The following GNA11 variants were observed in gnomAD, a reference collection of about 807,000 sequenced individuals.
GNA11 encodes G protein subunit alpha 11, also known as guanine nucleotide-binding protein subunit alpha-11.
Under a neutral mutation model 38.2 loss-of-function variants are expected in GNA11, and 8 were observed. The observed-to-expected ratio is 0.21, with a 90% confidence interval of 0.12 to 0.38. The LOEUF is 0.38. Among genes scored for constraint, GNA11 ranks in the 10% least tolerant of loss-of-function variants. The probability of loss-of-function intolerance (pLI) is 1.00; values close to 1 mark genes in which losing one functional copy is unlikely to be tolerated. For missense variants in GNA11, 268 were observed against 516.3 expected, an observed-to-expected ratio of 0.52 and a Z score of 4.66; for synonymous variants, 211 against 221.4, an observed-to-expected ratio of 0.95 and a Z score of 0.42.
intron 1 of GNA11, among the ~76,000 whole-genome samples, chr19:3,105,642 G>A (rs574361607): frequency 6.6e-5 from 10 of 152,236 alleles, no homozygotes; most frequent in African/African-American, 2.4e-4. Context: ...TTTAACATAG[G>A]AATTTGGGGG....
rs372851885 is a variant in GNA11 at position 3,113,299 on chromosome 19, C to T, written c.322-31C>T. The T allele has an allele frequency of 2.5e-6, 4 of 1,609,378 alleles. No homozygotes were observed. The African/African-American group carries it at 4.0e-5, about 16-fold the overall frequency. ...CTGGTGGATGTGTGGCCCCAGCGAGCTCTCGACGTCTCCCCTGCCCGCCCT... is the reference window on the plus strand; with the variant it reads ...CTGGTGGATGTGTGGCCCCAGCGAGTTCTCGACGTCTCCCCTGCCCGCCCT... On this transcript the variant is annotated intron_variant, in intron 2 of 6. Coordinates refer to ENST00000078429, the MANE Select transcript of GNA11 (RefSeq NM_002067.5).
In GNA11 at chr19:3,120,132, G is replaced by T. The variant is rs150297893; in HGVS notation, c.889+773G>T. On this transcript the variant is annotated intron_variant, in intron 6 of 6. Coordinates refer to ENST00000078429, the MANE Select transcript of GNA11 (RefSeq NM_002067.5). The surrounding 1 kb of genome is among the most constrained non-coding windows in gnomAD (Gnocchi z 5.9). The stretch of plus-strand genomic sequence containing the variant: ...GATCTGTGCTCCTCCCGTGAGTCTC[G>T]GGTGTCATCTTCGGGAGGGCCCCTC... 6.6e-6 allele frequency among the ~76,000 whole-genome samples: 1 copy of T among 152,118 alleles called. No homozygotes were observed. The highest frequency in any genetic ancestry group is 2.4e-5 in the African/African-American group (1 of 41,426).
chr19:3,112,858 TG>T (rs1913809229), intron 2 of GNA11, among the ~76,000 whole-genome samples: 1 of 152,256 alleles, frequency 6.6e-6, no homozygotes, highest in Non-Finnish European at 1.5e-5. Context: ...GCGATGCCGC[TG>T]GTTGCAACGT....
At position 3,113,433 on chromosome 19, in the gene GNA11, A is replaced by G; in HGVS notation, c.425A>G (p.Gln142Arg). 6.2e-7 allele frequency: 1 copy of G among 1,612,922 alleles called. No individual in the cohort carries two copies. Among genetic ancestry groups the G allele is most frequent in the Non-Finnish European group, 8.5e-7 (1 of 1,179,472 alleles). ...IKTLWEDPGI[Q>R]ECYDRRREYQ... is the part of the protein sequence containing the mutation. ...ACCCTGTGGGAGGACCCGGGCATCC[A>G]GGAATGCTACGACCGCAGGCGCGAG... Residue 142 changes from glutamine to arginine, a missense_variant, in exon 3 of 7, where the codon CAG becomes CGG. Coordinates refer to ENST00000078429, the MANE Select transcript of GNA11 (RefSeq NM_002067.5).
At chr19:3,106,873 T>C (rs1913652889) in intron 1 of GNA11, among the ~76,000 whole-genome samples, 1 of 152,262 alleles carries the variant, frequency 6.6e-6, no homozygotes, top group Non-Finnish European at 1.5e-5. Flanking sequence ...GTATCCATAT[T>C]GCCTCTGCAG....
rs184614398 is a variant in GNA11 at position 3,110,466 on chromosome 19, C to G, written c.321+133C>G. The G allele has an allele frequency of 1.5e-5, 10 of 665,138 alleles. No homozygotes were observed. Among genetic ancestry groups the G allele is most frequent in the Non-Finnish European group, 2.6e-5 (10 of 389,590 alleles). The allele number at this position is 665,138 out of a possible 1,614,324, so 41.2% of individuals were successfully genotyped here. A position where few individuals can be genotyped will look rare whatever the true frequency, so the allele number is the denominator to read the frequency against. ...GCCCAGGCTACCCCTGGTCATCCAT[C>G]CGTTCCTGTCATGGACATGGAAACA... On this transcript the variant is annotated intron_variant, in intron 2 of 6. Coordinates refer to ENST00000078429, the MANE Select transcript of GNA11 (RefSeq NM_002067.5). The surrounding 1 kb of genome is among the most constrained non-coding windows in gnomAD (Gnocchi z 5.4).
At chr19:3,116,859 T>C (rs113591982) in intron 4 of GNA11, among the ~76,000 whole-genome samples, 7,151 of 152,148 alleles carry the variant, frequency 0.047, 482 homozygotes, top group Admixed American at 0.18. Flanking sequence ...TTCCGGGAAG[T>C]CTGTGGGGTT....
chr19:3,106,751 C>CATGT (rs112761605), intron 1 of GNA11, among the ~76,000 whole-genome samples: 6,946 of 152,344 alleles, frequency 0.046, 494 homozygotes, highest in African/African-American at 0.15. Context: ...TGCATGCATA[C>CATGT]ATGTATGTGT....
At position 3,110,084 on chromosome 19, in the gene GNA11, G is replaced by A; in HGVS notation, c.137-65G>A. ...CTGCAGCACGGCAGGGTCTGGGTAA[G>A]AGGGGGCAGCAGCACGAGAGTCAGG... On this transcript the variant is annotated intron_variant, in intron 1 of 6. Transcript: ENST00000078429. This position sits in a 1 kb window ranked among gnomAD's most constrained non-coding sequence, Gnocchi z 5.4. 3 of 1,349,036 alleles carry A rather than the reference G, an allele frequency of 2.2e-6. No individual in the cohort carries two copies. Among genetic ancestry groups the A allele is most frequent in the Non-Finnish European group, 2.1e-6 (2 of 974,972 alleles). 83.6% of individuals were successfully genotyped at this position (1,349,036 alleles called of 1,614,324 possible).
chr19:3,107,028 G>A (rs1913656160), intron 1 of GNA11, among the ~76,000 whole-genome samples: 1 of 152,222 alleles, frequency 6.6e-6, no homozygotes, highest in Non-Finnish European at 1.5e-5. Flanking sequence ...CCTGAGGTGA[G>A]GAATTTGACA....
chr19:3,095,677 C>G (rs893698988), intron 1 of GNA11, among the ~76,000 whole-genome samples: 1 of 152,150 alleles, frequency 6.6e-6, no homozygotes, highest in Non-Finnish European at 1.5e-5. Context: ...CTCAGGGTTC[C>G]GCTCAGCTGA....
At chr19:3,115,184 G>A (rs1289190203) in intron 4 of GNA11, 112 bp downstream of exon 4, 3 of 1,277,410 alleles carry the variant, frequency 2.3e-6, no homozygotes, top group African/African-American at 3.0e-5. Flanking sequence ...CGGGAGGATC[G>A]CCTGAGTCCA....
At chr19:3,105,014 C>T (rs1207369052) in intron 1 of GNA11, among the ~76,000 whole-genome samples, 1 of 151,450 alleles carries the variant, frequency 6.6e-6, no homozygotes, top group Non-Finnish European at 1.5e-5. Flanking sequence ...CTCACCAGCT[C>T]CAGACCCAGT....
In GNA11 at chr19:3,120,992, C is replaced by T. The variant is rs1259650887; in HGVS notation, c.893C>T (p.Pro298Leu). 6.2e-7 allele frequency: 1 copy of T among 1,611,788 alleles called. No homozygotes were observed. The highest frequency in any genetic ancestry group is 8.5e-7 in the Non-Finnish European group (1 of 1,178,680). Residue 298 changes from proline (P) to leucine (L), a missense_variant, in exon 7 of 7, where the codon CCC (proline) becomes CTC (leucine). Physicochemically the swap from Pro to Leu is moderately conservative, Grantham distance 98. Transcript: ENST00000078429. The surrounding 1 kb of genome is among the most constrained non-coding windows in gnomAD (Gnocchi z 5.9). ...CTCACCCTCTGCCCTCCCCCAGGTC[C>T]CCAGCGGGACGCCCAGGCGGCGCGG... ...LVDYFPEFDG[P>L]QRDAQAAREF...
At chr19:3,098,955 C>T (rs978765820) in intron 1 of GNA11, among the ~76,000 whole-genome samples, 38 of 152,220 alleles carry the variant, frequency 2.5e-4, no homozygotes, top group Non-Finnish European at 2.6e-4. Flanking sequence ...GGGCATGGTC[C>T]GGGAAGCTCC....
Position 3,123,223 on chromosome 19 carries a change from G to A in GNA11, c.*2044G>A, listed in dbSNP as rs1382477505. 8.6e-6 allele frequency: 2 copies of A among 233,206 alleles called. No homozygotes were observed. Among genetic ancestry groups the A allele is most frequent in the East Asian group, 6.0e-5 (1 of 16,588 alleles). The allele number at this position is 233,206 out of a possible 1,614,324, so 14.4% of individuals were successfully genotyped here. On this transcript the variant is annotated 3_prime_UTR_variant, in exon 7 of 7. Transcript: ENST00000078429. ...GCCTGAGGGTGGAGTCGCCCAGCAC[G>A]CAGGCCGGGGCGCTGCGGGGCTAAG...
At position 3,121,255 on chromosome 19, in the gene GNA11, G is replaced by C; in HGVS notation, c.*76G>C. 2 of 1,227,718 alleles carry C rather than the reference G, an allele frequency of 1.6e-6. No individual in the cohort carries two copies. Among genetic ancestry groups the C allele is most frequent in the Non-Finnish European group, 2.3e-6 (2 of 864,598 alleles). 76.1% of individuals were successfully genotyped at this position (1,227,718 alleles called of 1,614,324 possible). ...CCACGGAGCCTGCGGCTGCCGGGCG[G>C]GTGGCGCTGCCGAGTCCGGGCCGGG... On this transcript the variant is annotated 3_prime_UTR_variant, in exon 7 of 7. Transcript: ENST00000078429.
intron 1 of GNA11, among the ~76,000 whole-genome samples, chr19:3,103,231 T>TGA (rs1285250219): frequency 2.0e-5 from 3 of 152,148 alleles, no homozygotes; most frequent in Admixed American, 6.5e-5. Flanking sequence ...TATTTATTTT[T>TGA]GAGAGAGAGT....
rs1914003123 is a variant in GNA11 at position 3,119,187 on chromosome 19, C to T, written c.736-19C>T. ...GTGGGGAGGGCCCCTCTGATTCCCTCTGCCTTCGCTCCCGCCAGAACCGGA... is the reference window on the plus strand; with the variant it reads ...GTGGGGAGGGCCCCTCTGATTCCCTTTGCCTTCGCTCCCGCCAGAACCGGA... On this transcript the variant is annotated intron_variant, in intron 5 of 6. Transcript: ENST00000078429. This position sits in a 1 kb window ranked among gnomAD's most constrained non-coding sequence, Gnocchi z 4.6. 6.2e-7 allele frequency: 1 copy of T among 1,612,114 alleles called. No individual in the cohort carries two copies. The highest frequency in any genetic ancestry group is 8.5e-7 in the Non-Finnish European group (1 of 1,179,088).
Sources: gnomAD v4.1 joint callset for allele counts (sites outside exome capture counted in the v4.1 genomes callset) on GRCh38, gnomAD v4.1.1 for gene constraint, Gnocchi (gnomAD v3.1) non-coding constraint, MANE v1.5 for transcripts, NCBI Gene and HGNC (gene_info 2026-07-23, HGNC 2026-07-21) for gene names.